Variants in STAB2 observed in about 807,000 individuals in gnomAD.
STAB2 encodes stabilin-2.
In STAB2, 288 loss-of-function variants were observed where a neutral mutation model predicts 338.1. The observed-to-expected ratio is 0.85, with a 90% CI of 0.77 to 0.94. The LOEUF (loss-of-function observed/expected upper bound fraction) is 0.94. Ranked by LOEUF, STAB2 falls within the 40% of genes least tolerant of loss-of-function variation. STAB2 has a pLI of 0.00. For missense variants in STAB2, 3,141 were observed against 3,210.1 expected, an observed-to-expected ratio of 0.98 and a Z score of 0.52; for synonymous variants, 1,202 against 1,193.3, an observed-to-expected ratio of 1.01 and a Z score of -0.15.
intron 25 of STAB2, among the ~76,000 whole-genome samples, chr12:103,682,746 G>C (rs1233184803): frequency 1.3e-5 from 2 of 152,060 alleles, no homozygotes; most frequent in Non-Finnish European, 2.9e-5. Context: ...TCAGGAGTTT[G>C]AGACCAGCCT....
Position 103,666,141 on chromosome 12 carries a change from C to T in STAB2, c.2023-150C>T, listed in dbSNP as rs762036877. On this transcript the variant is annotated intron_variant, in intron 18 of 68. Transcript: ENST00000388887. ...TTCACTCCTTCTCCCACGGTGGAGT[C>T]GGTGTGGGGAGGGGGTGGGTAGAGA... The T allele has an allele frequency of 1.3e-4, 89 of 677,968 alleles. 1 individual carries two copies. The highest frequency in any genetic ancestry group is 1.8e-4 in the Non-Finnish European group (72 of 389,732). The allele number at this position is 677,968 out of a possible 1,614,324, so 42.0% of individuals were successfully genotyped here.
Position 103,591,021 on chromosome 12 carries a change from G to A in STAB2, c.206G>A (p.Arg69Gln), listed in dbSNP as rs200600511. Residue 69 changes from arginine to glutamine, a missense_variant, in exon 2 of 69, where the codon CGA (arginine) becomes CAA (glutamine). Physicochemically the swap from Arg to Gln is conservative, Grantham distance 43. Transcript: ENST00000388887. ...ATTACCAGTGGCTCTGTAGGGGTTC[G>A]AGATTGCAGGTACTCATGAGAAAAT... The part of the protein sequence containing the change: ...TMITSGSVGV[R>Q]DCRYTFEVRT... 95 of 1,613,786 alleles carry A rather than the reference G, an allele frequency of 5.9e-5. No homozygotes were observed. The highest frequency in any genetic ancestry group is 2.0e-4 in the Admixed American group (12 of 59,916).
chr12:103,650,527 G>A lies in STAB2; in HGVS notation c.1206G>A (p.Leu402=), dbSNP rs374054111. ...CTTATGCCTGGCCACTGAGTAAGCT[G>A]GGACCCTTCACGGTGCTGTTACCTA... The part of the protein sequence containing the change: ...DKAYAWPLSK[L]GPFTVLLPTD... The change falls in exon 11 of 69, where the codon CTG becomes CTA. Residue 402 remains leucine, a synonymous_variant. Coordinates refer to ENST00000388887, the MANE Select transcript of STAB2 (RefSeq NM_017564.10). 1.4e-4 allele frequency: 225 copies of A among 1,613,206 alleles called. No homozygotes were observed. Among genetic ancestry groups the A allele is most frequent in the Middle Eastern group, 9.9e-4 (6 of 6,076 alleles).
intron 3 of STAB2, among the ~76,000 whole-genome samples, chr12:103,612,322 C>G (rs1053755533): frequency 6.6e-6 from 1 of 152,224 alleles, no homozygotes; most frequent in Non-Finnish European, 1.5e-5. Context: ...TCAGGTACAC[C>G]AATCAGACGT....
intron 22 of STAB2, among the ~76,000 whole-genome samples, chr12:103,671,805 G>T (rs958537825): frequency 6.6e-6 from 1 of 152,082 alleles, no homozygotes; most frequent in Non-Finnish European, 1.5e-5. Flanking sequence ...AAAAAATAAA[G>T]TTATGCAACC....
At chr12:103,626,301 C>T (rs894584953) in intron 5 of STAB2, among the ~76,000 whole-genome samples, 12 of 152,194 alleles carry the variant, frequency 7.9e-5, no homozygotes, top group Non-Finnish European at 1.8e-4. Flanking sequence ...TAAATAGCCA[C>T]ATGTGGCTCG....
chr12:103,680,174 T>A (rs904968064), intron 25 of STAB2, among the ~76,000 whole-genome samples: 17 of 152,304 alleles, frequency 1.1e-4, no homozygotes, highest in African/African-American at 4.1e-4. Context: ...AGTTTCAGTC[T>A]GGGAAGATGA....
intron 9 of STAB2, among the ~76,000 whole-genome samples, chr12:103,645,039 T>C (rs771207033): frequency 2.4e-4 from 36 of 152,206 alleles, no homozygotes; most frequent in Middle Eastern, 3.4e-3. Context: ...AGAAATGAAA[T>C]GAACCAGTGA....
intron 3 of STAB2, among the ~76,000 whole-genome samples, chr12:103,597,433 A>G (rs1392919932): frequency 1.3e-5 from 2 of 152,202 alleles, no homozygotes; most frequent in Non-Finnish European, 2.9e-5. Context: ...TATTTCAAAA[A>G]TTAATATATC....
rs1874203374 is a variant in STAB2 at position 103,656,681 on chromosome 12, T to TTA, written c.1734+1101_1734+1102insAT. 2.7e-5 allele frequency among the ~76,000 whole-genome samples: 4 copies of TTA among 148,964 alleles called. No homozygotes were observed. In the South Asian group the frequency reaches 8.7e-4, roughly 32 times the overall value. On this transcript the variant is annotated intron_variant, in intron 15 of 68. Coordinates refer to ENST00000388887, the MANE Select transcript of STAB2 (RefSeq NM_017564.10). ...CTTGCTGTCAAAAAACTTAGGATTT[T>TTA]TTTTTTTTTTTTTTTTGAGACGGAG...
intron 33 of STAB2, among the ~76,000 whole-genome samples, chr12:103,698,501 C>T (rs559580104): frequency 3.3e-5 from 5 of 152,218 alleles, no homozygotes; most frequent in Non-Finnish European, 1.5e-5. Flanking sequence ...GCCTGCCCAT[C>T]CAGGCTGACA....
chr12:103,690,023 C>T, intron 29 of STAB2, 41 bp downstream of exon 29: 1 of 1,599,208 alleles, frequency 6.3e-7, no homozygotes, highest in Non-Finnish European at 8.5e-7. Flanking sequence ...ATCTGAATGG[C>T]ATCTGTGTAA....
chr12:103,654,883 C>T, intron 13 of STAB2, 185 bp downstream of exon 13: 1 of 711,748 alleles, frequency 1.4e-6, no homozygotes, highest in Non-Finnish European at 2.2e-6. Context: ...AGAAAGAAAG[C>T]AAGACGTACA....
At chr12:103,704,642 T>C in intron 36 of STAB2, 28 bp downstream of exon 36, 1 of 1,608,970 alleles carries the variant, frequency 6.2e-7, no homozygotes, top group African/African-American at 1.3e-5. Flanking sequence ...TTTGATAAAA[T>C]AGTTTCCAGA....
chr12:103,636,187 T>TC (rs1957543546), intron 6 of STAB2, among the ~76,000 whole-genome samples: 1 of 149,402 alleles, frequency 6.7e-6, no homozygotes, highest in African/African-American at 2.5e-5. Flanking sequence ...CCTAATGCTA[T>TC]CCATCCCCCC....
intron 33 of STAB2, among the ~76,000 whole-genome samples, chr12:103,696,143 A>C (rs2138933903): frequency 6.6e-6 from 1 of 152,154 alleles, no homozygotes; most frequent in Non-Finnish European, 1.5e-5. Flanking sequence ...GGAAGCCCAA[A>C]CCCACAGGTG....
At chr12:103,631,795 A>G in intron 6 of STAB2, 102 bp downstream of exon 6, 1 of 1,144,624 alleles carries the variant, frequency 8.7e-7, no homozygotes, top group Non-Finnish European at 1.3e-6. Flanking sequence ...GGGGCAAGGT[A>G]CTACCAAAAG....
Position 103,648,803 on chromosome 12 carries a change from C to A in STAB2, c.1154C>A (p.Thr385Asn), listed in dbSNP as rs199706624. Residue 385 changes from threonine to asparagine, a missense_variant, in exon 10 of 69, where the codon ACC (threonine) becomes AAC (asparagine). Thr to Asn is a moderately conservative substitution (Grantham distance 65). Transcript: ENST00000388887. ...AGAGGAAAATGGCAAGGAAGGCTGA[C>A]CTCTTTCATCTCACTCCTAGGTACG... Reference protein sequence around the residue: ...EPRGKWQGRLTSFISLLDKAY... With the variant: ...EPRGKWQGRLNSFISLLDKAY... 5 of 1,613,266 alleles carry A rather than the reference C, an allele frequency of 3.1e-6. No individual in the cohort carries two copies. Among genetic ancestry groups the A allele is most frequent in the East Asian group, 4.5e-5 (2 of 44,868 alleles).
intron 22 of STAB2, among the ~76,000 whole-genome samples, chr12:103,673,176 A>G (rs1364790310): frequency 1.3e-5 from 2 of 152,136 alleles, no homozygotes; most frequent in Non-Finnish European, 2.9e-5. Context: ...ATGGGAGATC[A>G]CTTCTATTTA....
Sources: gnomAD v4.1 joint callset for allele counts (sites outside exome capture counted in the v4.1 genomes callset) on GRCh38, gnomAD v4.1.1 for gene constraint, MANE v1.5 for transcripts, NCBI Gene and HGNC (gene_info 2026-07-23, HGNC 2026-07-21) for gene names.